Variants in TIAM2 observed in about 807,000 individuals in gnomAD.
The protein encoded by TIAM2 is rho guanine nucleotide exchange factor TIAM2.
TIAM2 carries 80 observed loss-of-function variants against 152.9 expected under a neutral mutation model. That is an observed-to-expected ratio of 0.52 (90% CI 0.44 to 0.63). The LOEUF (loss-of-function observed/expected upper bound fraction) is 0.63, where lower values mean the gene tolerates loss of function less well. Among genes scored for constraint, TIAM2 ranks in the 30% least tolerant of loss-of-function variants. The pLI, the probability that TIAM2 is intolerant of heterozygous loss-of-function variation, is 0.00. For synonymous variants in TIAM2, 804 were observed against 838.0 expected (o/e 0.96, Z 0.70); for missense variants, 1,965 against 2,120.1 (o/e 0.93, Z 1.44).
At position 155,244,802 on chromosome 6, in the gene TIAM2, G is replaced by T. The variant is rs1258219002; in HGVS notation, c.3543+19G>T. Reference sequence around the variant, plus strand: ...GTTTAGAGTAAGTATCTCAGATTTAGGCTTAAAGTAAAAATACGTGGCTAT... The same window carrying T: ...GTTTAGAGTAAGTATCTCAGATTTATGCTTAAAGTAAAAATACGTGGCTAT... On this transcript the variant is annotated intron_variant, in intron 18 of 26. Transcript: ENST00000682666. 3 of 1,582,800 alleles carry T rather than the reference G, an allele frequency of 1.9e-6. No individual in the cohort carries two copies. The highest frequency in any genetic ancestry group is 2.6e-6 in the Non-Finnish European group (3 of 1,165,030).
In TIAM2 at chr6:155,256,723, G is replaced by A. The variant is rs201476343; in HGVS notation, c.4708G>A (p.Asp1570Asn). The A allele has an allele frequency of 2.1e-4, 339 of 1,614,056 alleles. 1 individual carries two copies. Among genetic ancestry groups the A allele is most frequent in the Admixed American group, 5.7e-4 (34 of 60,010 alleles). ...NLIKESDILS[D>N]EDDDHRQTVK... The stretch of plus-strand genomic sequence containing the variant: ...CATCAAAGAGAGTGACATCCTGAGC[G>A]ATGAAGATGATGACCACCGTCAGAC... The change falls in exon 27 of 27, where the codon GAT becomes AAT. Residue 1570 changes from aspartate to asparagine, a missense_variant. Transcript: ENST00000682666.
chr6:155,188,175 T>C (rs888001667), intron 14 of TIAM2, among the ~76,000 whole-genome samples: 1 of 152,186 alleles, frequency 6.6e-6, no homozygotes, highest in Non-Finnish European at 1.5e-5. Context: ...CACCATTGTC[T>C]TTCCTCGTGC....
intron 1 of TIAM2, among the ~76,000 whole-genome samples, chr6:155,031,092 A>G (rs1211594619): frequency 6.6e-6 from 1 of 152,208 alleles, no homozygotes; most frequent in Non-Finnish European, 1.5e-5. Flanking sequence ...TTCACAAGAC[A>G]CTTTGTGTCT....
intron 9 of TIAM2, among the ~76,000 whole-genome samples, chr6:155,171,566 A>T (rs1254201992): frequency 6.6e-6 from 1 of 152,072 alleles, no homozygotes; most frequent in African/African-American, 2.4e-5. Context: ...AAAAAAACCT[A>T]AAAAACCCCA....
chr6:155,202,172 A>C (rs1273732992), intron 14 of TIAM2, among the ~76,000 whole-genome samples: 2 of 152,154 alleles, frequency 1.3e-5, no homozygotes, highest in African/African-American at 4.8e-5. Context: ...AATGTGGTCA[A>C]CTCAAGAGTT....
At position 155,240,688 on chromosome 6, in the gene TIAM2, C is replaced by T. The variant is rs1782989121; in HGVS notation, c.3327C>T (p.Asp1109=). The change falls in exon 16 of 27, where the codon GAC becomes GAT. Residue 1109 remains aspartate, a synonymous_variant. Transcript: ENST00000682666. ...GCAAAGTCATCCAGGAGCTTGTGGA[C>T]ACAGAGAAGTCCTACGTGAAGGTAA... is the stretch of plus-strand genomic sequence containing the variant. The part of the protein sequence containing the change: ...RLRKVIQELV[D]TEKSYVKDLS... The T allele has an allele frequency of 6.2e-7, 1 of 1,612,970 alleles. No individual in the cohort carries two copies. The highest frequency in any genetic ancestry group is 8.5e-7 in the Non-Finnish European group (1 of 1,179,800).
At chr6:155,206,311 G>C (rs1196036837) in intron 14 of TIAM2, among the ~76,000 whole-genome samples, 1 of 152,130 alleles carries the variant, frequency 6.6e-6, no homozygotes, top group Non-Finnish European at 1.5e-5. Context: ...GCAGTGGTGT[G>C]ATCTCAGCTC....
At chr6:155,091,997 A>T (rs1778316591) in intron 2 of TIAM2, among the ~76,000 whole-genome samples, 1 of 152,214 alleles carries the variant, frequency 6.6e-6, no homozygotes, top group Non-Finnish European at 1.5e-5. Flanking sequence ...ACCCGGGATC[A>T]AGCAGTCCTC....
intron 12 of TIAM2, among the ~76,000 whole-genome samples, chr6:155,180,602 T>C (rs552471420): frequency 1.9e-4 from 29 of 152,298 alleles, no homozygotes; most frequent in African/African-American, 6.5e-4. Flanking sequence ...ATGTTATTTT[T>C]TTATTTTTTA....
chr6:155,113,579 C>T (rs193149231), intron 2 of TIAM2, among the ~76,000 whole-genome samples: 185 of 152,078 alleles, frequency 1.2e-3, no homozygotes, highest in African/African-American at 4.3e-3. Context: ...CAAAAATTAG[C>T]TGGGCGTTAT....
chr6:155,052,265 T>C (rs1777335152), intron 1 of TIAM2, among the ~76,000 whole-genome samples: 2 of 152,210 alleles, frequency 1.3e-5, no homozygotes, highest in Non-Finnish European at 2.9e-5. Flanking sequence ...CAAGGAGTTA[T>C]CTATCGTGAT....
intron 7 of TIAM2, among the ~76,000 whole-genome samples, chr6:155,151,174 A>G (rs1033859527): frequency 6.6e-6 from 1 of 152,194 alleles, no homozygotes; most frequent in East Asian, 1.9e-4. Flanking sequence ...TCTGAGTGGC[A>G]GCATCTCATC....
chr6:155,179,287 C>A, intron 11 of TIAM2, 91 bp from the exon 12 acceptor site: 1 of 1,470,926 alleles, frequency 6.8e-7, no homozygotes, highest in Non-Finnish European at 9.5e-7. Flanking sequence ...ATCTTAACAG[C>A]TTTCTTGTTT....
intron 25 of TIAM2, 128 bp downstream of exon 25, chr6:155,254,188 A>G: frequency 9.4e-7 from 1 of 1,062,362 alleles, no homozygotes; most frequent in South Asian, 1.6e-5. Flanking sequence ...CCTCCGAAAA[A>G]GGCAACTGAG....
At chr6:155,105,972 T>C (rs1020788311) in intron 2 of TIAM2, among the ~76,000 whole-genome samples, 6 of 135,136 alleles carry the variant, frequency 4.4e-5, no homozygotes, top group African/African-American at 1.3e-4. Flanking sequence ...CTTTATCTTT[T>C]GGGTATTTTT....
In TIAM2 at chr6:154,995,816, G is replaced by C. The variant is rs1464170568; in HGVS notation, c.-209+324G>C. Among the ~76,000 whole-genome samples, 9 of 152,162 alleles carry C rather than the reference G, an allele frequency of 5.9e-5. No individual in the cohort carries two copies. Among genetic ancestry groups the C allele is most frequent in the Non-Finnish European group, 1.0e-4 (7 of 68,018 alleles). ...ACGCCAGGACCCACTTTCAGCCCCGGTCCCATCCCGGATGGGAGGAGGCGG... is the reference window on the plus strand; with the variant it reads ...ACGCCAGGACCCACTTTCAGCCCCGCTCCCATCCCGGATGGGAGGAGGCGG... On this transcript the variant is annotated intron_variant, in intron 1 of 26. Coordinates refer to ENST00000682666, the MANE Select transcript of TIAM2 (RefSeq NM_012454.4). The surrounding 1 kb of genome is among the most constrained non-coding windows in gnomAD (Gnocchi z 5.2).
rs1331424200 is a variant in TIAM2, at chr6:155,140,573, T to TGTGAGAGA, written c.1630+2962_1630+2963insTGAGAGAG. ...GTGTGTGTATGTGTGTGTGTGTGTG[T>TGTGAGAGA]GAGAGAGAGAGAGAGAGAGAGAGAG... On this transcript the variant is annotated intron_variant, in intron 5 of 26. Transcript: ENST00000682666. Among the ~76,000 whole-genome samples the TGTGAGAGA allele has an allele frequency of 5.0e-3, 536 of 107,416 alleles. 7 individuals carry two copies. Among genetic ancestry groups the TGTGAGAGA allele is most frequent in the African/African-American group, 0.019 (490 of 25,982 alleles). The allele number at this position is 107,416 out of a possible 152,430, so 70.5% of individuals were successfully genotyped here.
intron 14 of TIAM2, among the ~76,000 whole-genome samples, chr6:155,190,121 T>C (rs981344364): frequency 4.6e-5 from 7 of 152,314 alleles, no homozygotes; most frequent in African/African-American, 9.6e-5. Flanking sequence ...AACTAATGAA[T>C]ATTGTATTAC....
At chr6:155,015,398 G>C (rs978503757) in intron 1 of TIAM2, among the ~76,000 whole-genome samples, 5 of 152,140 alleles carry the variant, frequency 3.3e-5, no homozygotes, top group Admixed American at 1.3e-4. Flanking sequence ...AAGAGAGACA[G>C]GTCTGGGCTG....
Sources: gnomAD v4.1 joint callset for allele counts (sites outside exome capture counted in the v4.1 genomes callset) on GRCh38, gnomAD v4.1.1 for gene constraint, Gnocchi (gnomAD v3.1) non-coding constraint, MANE v1.5 for transcripts, NCBI Gene and HGNC (gene_info 2026-07-23, HGNC 2026-07-21) for gene names.